The following UIMC1 variants were observed in gnomAD, a reference collection of about 807,000 sequenced individuals.
The protein encoded by UIMC1 is ubiquitin interaction motif containing 1.
In UIMC1, 42 loss-of-function variants were observed where a neutral mutation model predicts 84.9. That is an observed-to-expected ratio of 0.49 (90% CI 0.39 to 0.64). The LOEUF is 0.64. Ranked by LOEUF, UIMC1 falls within the 30% of genes least tolerant of loss-of-function variation. The pLI is 0.00. For missense variants in UIMC1, 825 were observed against 847.6 expected (o/e 0.97, Z 0.33); for synonymous variants, 281 against 293.0 (o/e 0.96, Z 0.42).
rs187854919 is a variant in UIMC1, at chr5:176,957,573, C to T, written c.1262+520G>A. On this transcript the variant is annotated intron_variant, in intron 7 of 14. Transcript: ENST00000511320. ...CGGATTAAAAGTGGCACAGGACAGA[C>T]AGTGAGAGTGACACAGGTCCTGTGT... Among the ~76,000 whole-genome samples, 103 of 152,230 alleles carry T rather than the reference C, an allele frequency of 6.8e-4. 2 individuals carry two copies. The East Asian group carries it at 0.011, about 16-fold the overall frequency.
chr5:176,939,065 C>T lies in UIMC1; in HGVS notation c.1597+4270G>A, dbSNP rs1054081650. Among the ~76,000 whole-genome samples, 3 of 151,680 alleles carry T rather than the reference C, an allele frequency of 2.0e-5. No homozygotes were observed. The South Asian group carries it at 6.3e-4, about 32-fold the overall frequency. Reference sequence around the variant, plus strand: ...CCCAGGAGTTCAAGACCAGCCTGGGCAACATGGTGAGACCCTTTCTCTACA... The same window carrying T: ...CCCAGGAGTTCAAGACCAGCCTGGGTAACATGGTGAGACCCTTTCTCTACA... On this transcript the variant is annotated intron_variant, in intron 10 of 14. Coordinates refer to ENST00000511320, the MANE Select transcript of UIMC1 (RefSeq NM_001199298.2).
intron 4 of UIMC1, 103 bp downstream of exon 4, chr5:176,970,639 C>T: frequency 1.9e-6 from 3 of 1,577,088 alleles, no homozygotes; most frequent in Non-Finnish European, 1.7e-6. Flanking sequence ...AGGTGAAAAC[C>T]CTATAAATGA....
intron 1 of UIMC1, among the ~76,000 whole-genome samples, chr5:176,998,695 C>T (rs546804201): frequency 2.2e-4 from 33 of 151,460 alleles, no homozygotes; most frequent in Middle Eastern, 3.4e-3. Flanking sequence ...TGAACCCGGG[C>T]GGTGGAGGTT....
rs1771213961 is a variant in UIMC1 at position 176,982,553 on chromosome 5, A to T, written c.63T>A (p.Asp21Glu). The T allele has an allele frequency of 6.2e-7, 1 of 1,613,884 alleles. No individual in the cohort carries two copies. ...VSESRNLEKKDVETTSSVSVK... is the reference protein window; with the variant it reads ...VSESRNLEKKEVETTSSVSVK... ...CACTGACAGAACTGGTAGTTTCCAC[A>T]TCCTTCTTCTCCAGGTTCCGAGATT... Residue 21 changes from aspartate (D) to glutamate (E), a missense_variant, in exon 2 of 15, where the codon GAT becomes GAA. Coordinates refer to ENST00000511320, the MANE Select transcript of UIMC1 (RefSeq NM_001199298.2).
At chr5:176,943,070 G>GAACA (rs1057317307) in intron 10 of UIMC1, among the ~76,000 whole-genome samples, 2 of 145,928 alleles carry the variant, frequency 1.4e-5, no homozygotes, top group South Asian at 2.1e-4. Flanking sequence ...AAAACAAACA[G>GAACA]AACAAACAAA....
chr5:177,009,384 G>GA (rs370288926), upstream of UIMC1, among the ~76,000 whole-genome samples: 51 of 145,972 alleles, frequency 3.5e-4, no homozygotes, highest in Middle Eastern at 3.5e-3. This position sits in a 1 kb window ranked among gnomAD's most constrained non-coding sequence, Gnocchi z 4.3. Flanking sequence ...TAGAAGAGAG[G>GA]AAAAAAAAAA....
intron 6 of UIMC1, among the ~76,000 whole-genome samples, chr5:176,964,437 T>C (rs1767989653): frequency 6.6e-6 from 1 of 152,220 alleles, no homozygotes; most frequent in African/African-American, 2.4e-5. Context: ...TTCATAACTC[T>C]TTAACCCATC....
At chr5:176,998,725 C>T (rs1298317900) in intron 1 of UIMC1, among the ~76,000 whole-genome samples, 1 of 151,938 alleles carries the variant, frequency 6.6e-6, no homozygotes, top group Non-Finnish European at 1.5e-5. Context: ...CAAGATCATG[C>T]CATTGCACTC....
chr5:176,992,981 T>A (rs374528015), intron 1 of UIMC1, among the ~76,000 whole-genome samples: 1 of 149,428 alleles, frequency 6.7e-6, no homozygotes, highest in African/African-American at 2.5e-5. Flanking sequence ...AGATCAGGAG[T>A]TGGAGACCAG....
chr5:177,014,057 CT>C (rs34686520), intron 1 of UIMC1, among the ~76,000 whole-genome samples: 1,994 of 122,132 alleles, frequency 0.016, 27 homozygotes, highest in African/African-American at 0.046. Flanking sequence ...TTTTTCTTTT[CT>C]TTTTTTTTTT....
intron 10 of UIMC1, among the ~76,000 whole-genome samples, chr5:176,929,679 G>C (rs911330328): frequency 1.3e-5 from 2 of 152,310 alleles, no homozygotes; most frequent in South Asian, 4.1e-4. Flanking sequence ...GTAGAATATG[G>C]GGGTTCAGAG....
intron 10 of UIMC1, among the ~76,000 whole-genome samples, chr5:176,918,948 T>C (rs980969651): frequency 3.9e-5 from 6 of 152,328 alleles, no homozygotes; most frequent in African/African-American, 1.4e-4. Context: ...AAATCTTAAG[T>C]GGTCCCTCAC....
rs1764703795 is a variant in UIMC1 at position 176,943,471 on chromosome 5, A to G, written c.1461T>C (p.Asp487=). 2 of 1,614,078 alleles carry G rather than the reference A, an allele frequency of 1.2e-6. No homozygotes were observed. Among genetic ancestry groups the G allele is most frequent in the South Asian group, 1.1e-5 (1 of 91,080 alleles). Residue 487 remains aspartate (D), a synonymous_variant, in exon 10 of 15, where the codon GAT becomes GAC. Transcript: ENST00000511320. ...TAGAAATAGCTACTTCCTTCTCAGC[A>G]TCTTCCTTGTTACCAACCTGAAGAA... ...MADKEVGNKE[D]AEKEVAISTF...
chr5:176,971,003 G>A (rs1769120174), intron 3 of UIMC1, 137 bp from the exon 4 acceptor site: 4 of 1,217,962 alleles, frequency 3.3e-6, no homozygotes, highest in South Asian at 1.6e-5. Flanking sequence ...TCTTGTAAAT[G>A]AGGAAAACCC....
chr5:176,991,298 C>T (rs1772803919), intron 1 of UIMC1, among the ~76,000 whole-genome samples: 1 of 151,962 alleles, frequency 6.6e-6, no homozygotes, highest in Admixed American at 6.6e-5. Flanking sequence ...CATGAGCCAC[C>T]AAGCCCGGCC....
intron 10 of UIMC1, among the ~76,000 whole-genome samples, chr5:176,917,699 C>T (rs1761188478): frequency 6.6e-6 from 1 of 152,240 alleles, no homozygotes; most frequent in Non-Finnish European, 1.5e-5. Flanking sequence ...GTGGCTCACG[C>T]CTATAATCCC....
upstream of UIMC1, among the ~76,000 whole-genome samples, chr5:177,009,811 G>A (rs984137761): frequency 5.9e-5 from 9 of 152,004 alleles, no homozygotes; most frequent in Non-Finnish European, 1.2e-4. The surrounding 1 kb of genome is among the most constrained non-coding windows in gnomAD (Gnocchi z 4.3). Context: ...GAGGCGGGTG[G>A]ATCACTTGAG....
intron 6 of UIMC1, among the ~76,000 whole-genome samples, chr5:176,959,711 G>A (rs1389903977): frequency 5.6e-5 from 6 of 106,714 alleles, no homozygotes; most frequent in African/African-American, 2.4e-4. Flanking sequence ...GCGAGACTCC[G>A]TCTCAAAAAA....
chr5:176,918,314 G>A (rs2149402120), intron 10 of UIMC1, among the ~76,000 whole-genome samples: 1 of 152,298 alleles, frequency 6.6e-6, no homozygotes, highest in South Asian at 2.1e-4. Context: ...GATCCATCCA[G>A]TACTCCAGCC....
Sources: allele counts gnomAD v4.1 joint callset (sites outside exome capture counted in the v4.1 genomes callset), GRCh38; gene constraint gnomAD v4.1.1; non-coding constraint Gnocchi (gnomAD v3.1); transcripts MANE v1.5; gene names NCBI Gene and HGNC (gene_info 2026-07-23, HGNC 2026-07-21).